The following SEC14L3 variants were observed in gnomAD, a reference collection of about 807,000 sequenced individuals.
SEC14L3 encodes the protein SEC14 like lipid binding 3, also known as SEC14-like protein 3.
In SEC14L3, 56 loss-of-function variants were observed where a neutral mutation model predicts 57.4. That is an observed-to-expected ratio of 0.97 (90% CI 0.79 to 1.22). SEC14L3 has a LOEUF of 1.22. SEC14L3 is among the 50% of genes most tolerant of loss of function. The pLI is 0.00. For synonymous variants in SEC14L3, 173 were observed against 194.4 expected (o/e 0.89, Z 0.92); for missense variants, 485 against 511.7 (o/e 0.95, Z 0.50).
downstream of SEC14L3, among the ~76,000 whole-genome samples, chr22:30,455,245 T>G (rs938188540): frequency 1.5e-5 from 2 of 129,104 alleles, no homozygotes; most frequent in Admixed American, 1.0e-4. Context: ...ATTTAATATA[T>G]TATATATAAT....
exon 13 of SEC14L3, chr22:30,449,064 C>A: frequency 1.3e-6 from 2 of 1,549,764 alleles, no homozygotes; most frequent in Non-Finnish European, 1.7e-6. Flanking sequence ...TACACACAGG[C>A]CAGTTACTCA....
At chr22:30,462,291 T>A in intron 8 of SEC14L3, 99 bp from the exon 9 acceptor site, 10 of 1,469,504 alleles carry the variant, frequency 6.8e-6, no homozygotes, top group Non-Finnish European at 8.1e-6. Context: ...AGAAGCCCTA[T>A]AGGAGGTAGG....
rs534316276 is a variant in SEC14L3 at position 30,449,661 on chromosome 22, T to A, written c.905-417A>T. Among the ~76,000 whole-genome samples the A allele has an allele frequency of 3.9e-5, 6 of 151,932 alleles. No homozygotes were observed. The South Asian group carries it at 1.3e-3, about 32-fold the overall frequency. ...CTCACTGCAACCTCCGCCTCCCAGT[T>A]TCAAGTGATTCTCCTGTCTCAACCT... is the stretch of plus-strand genomic sequence containing the variant. On this transcript the variant is annotated intron_variant, in intron 12 of 12. Coordinates refer to the SEC14L3 transcript ENST00000403066.
intron 7 of SEC14L3, among the ~76,000 whole-genome samples, chr22:30,465,589 AAACCAGGCAACCAACTAACCAACCTGCT>A (rs1227636024): frequency 1.3e-5 from 2 of 152,220 alleles, no homozygotes; most frequent in South Asian, 2.1e-4. Context: ...GCCAAACAAC[AAACCAGGCAACCAACTAACCAACCTGCT>A]AACCAGGCAA....
At chr22:30,452,246 CTTTTTTTTTTTT>C (rs750537241) in intron 12 of SEC14L3, among the ~76,000 whole-genome samples, 1 of 90,026 alleles carries the variant, frequency 1.1e-5, no homozygotes, top group Non-Finnish European at 2.1e-5. Flanking sequence ...TTCTTTCTTT[CTTTTTTTTTTTT>C]TTTTTTTTGA....
intron 8 of SEC14L3, among the ~76,000 whole-genome samples, chr22:30,464,179 A>T (rs1405899173): frequency 2.0e-5 from 3 of 151,898 alleles, no homozygotes; most frequent in East Asian, 3.9e-4. Flanking sequence ...AATTGTGACT[A>T]CTCTTTCTGC....
downstream of SEC14L3, among the ~76,000 whole-genome samples, chr22:30,455,098 A>ATATAGAT (rs1935088700): frequency 2.9e-5 from 1 of 34,332 alleles, no homozygotes; most frequent in African/African-American, 1.8e-4. Flanking sequence ...TTAATATATA[A>ATATAGAT]TATATTTAAT....
At chr22:30,468,241 T>G (rs1601824802) in intron 5 of SEC14L3, among the ~76,000 whole-genome samples, 1 of 151,076 alleles carries the variant, frequency 6.6e-6, no homozygotes, top group East Asian at 1.9e-4. Context: ...ATCACACCAC[T>G]GCACTCCAGC....
rs777944557 is a variant in SEC14L3 at position 30,461,668 on chromosome 22, C to T, written c.798G>A (p.Lys266=). ...TCACCTGGTCCCGCACGTACATGGA[C>T]TTGGGGATCTCCCCGCCATAGTTAA... The part of the protein sequence containing the change: ...TKINYGGEIP[K]SMYVRDQVKT... The change falls in exon 10 of 12, where the codon AAG becomes AAA. Residue 266 remains lysine (K), a synonymous_variant. Coordinates refer to ENST00000215812, the MANE Select transcript of SEC14L3 (RefSeq NM_174975.5). The T allele has an allele frequency of 1.9e-6, 3 of 1,607,292 alleles. No individual in the cohort carries two copies. The South Asian group carries it at 3.3e-5, about 18-fold the overall frequency.
At chr22:30,461,766 CTT>C in intron 9 of SEC14L3, 72 bp from the exon 10 acceptor site, 1 of 1,538,708 alleles carries the variant, frequency 6.5e-7, no homozygotes, top group Non-Finnish European at 8.8e-7. Flanking sequence ...GCCTGAGACA[CTT>C]TCACCACCTC....
chr22:30,464,782 A>T, intron 8 of SEC14L3, 38 bp downstream of exon 8: 1 of 1,599,978 alleles, frequency 6.3e-7, no homozygotes, highest in Non-Finnish European at 8.6e-7. Flanking sequence ...TCCAAAGGTC[A>T]TGTATAGAGG....
chr22:30,468,180 G>A (rs1225874887), intron 5 of SEC14L3, among the ~76,000 whole-genome samples: 2 of 151,932 alleles, frequency 1.3e-5, no homozygotes, highest in East Asian at 1.9e-4. Flanking sequence ...TCAGGAGGCC[G>A]AGGCAGGAAA....
chr22:30,451,155 G>T (rs9608921), intron 12 of SEC14L3, among the ~76,000 whole-genome samples: 13,161 of 152,268 alleles, frequency 0.086, 718 homozygotes, highest in African/African-American at 0.14. Flanking sequence ...GGTCAGGGGG[G>T]CTGCCGGGGG....
At chr22:30,454,703 ATAT>A (rs1286394875), downstream of SEC14L3, among the ~76,000 whole-genome samples, 1 of 92,356 alleles carries the variant, frequency 1.1e-5, no homozygotes, top group Non-Finnish European at 1.8e-5. Context: ...TCCATAATAT[ATAT>A]TATTATATAT....
chr22:30,464,055 A>G (rs1014843152), intron 8 of SEC14L3, among the ~76,000 whole-genome samples: 5 of 152,248 alleles, frequency 3.3e-5, no homozygotes, highest in African/African-American at 1.2e-4. Flanking sequence ...AGACATTTCC[A>G]TGGCATTAAA....
chr22:30,463,439 C>G (rs1247753714), intron 8 of SEC14L3, among the ~76,000 whole-genome samples: 1 of 152,186 alleles, frequency 6.6e-6, no homozygotes, highest in African/African-American at 2.4e-5. Context: ...GCCAAATGAG[C>G]AGAGTCACAT....
downstream of SEC14L3, among the ~76,000 whole-genome samples, chr22:30,455,625 G>C (rs544749613): frequency 6.6e-6 from 1 of 152,274 alleles, no homozygotes; most frequent in East Asian, 1.9e-4. Flanking sequence ...ATGCATTTGT[G>C]GTCTCTGAAG....
In SEC14L3 at chr22:30,466,928, A is replaced by G; in HGVS notation, c.519+54T>C. On this transcript the variant is annotated intron_variant, in intron 6 of 11. Coordinates refer to ENST00000215812, the MANE Select transcript of SEC14L3 (RefSeq NM_174975.5). ...TCTCAGTAAGCAGCTGGGTCATGGC[A>G]GGCCAAGCTGGTCATCAAAGCAAGC... The G allele has an allele frequency of 1.9e-6, 3 of 1,544,792 alleles. No homozygotes were observed. In the Admixed American group the frequency reaches 5.3e-5, roughly 27 times the overall value.
intron 11 of SEC14L3, among the ~76,000 whole-genome samples, chr22:30,460,555 C>T (rs1387800491): frequency 3.9e-5 from 6 of 152,110 alleles, no homozygotes; most frequent in East Asian, 1.9e-4. Flanking sequence ...AGGTGTTGGC[C>T]GGGCACAGTG....
Sources: allele counts gnomAD v4.1 joint callset (sites outside exome capture counted in the v4.1 genomes callset), GRCh38; gene constraint gnomAD v4.1.1; transcripts MANE v1.5; gene names NCBI Gene and HGNC (gene_info 2026-07-23, HGNC 2026-07-21).